Variants in CFAP61 observed in about 807,000 individuals in gnomAD.
The protein encoded by CFAP61 is cilia- and flagella-associated protein 61.
In CFAP61, 107 loss-of-function variants were observed where a neutral mutation model predicts 135.6. The ratio of observed to expected loss-of-function variants is 0.79; its 90% CI spans 0.67 to 0.93. The LOEUF (loss-of-function observed/expected upper bound fraction) is 0.93. CFAP61 is among the 40% of genes least tolerant of loss of function. The probability of loss-of-function intolerance (pLI) is 0.00; values close to 1 mark genes in which losing one functional copy is unlikely to be tolerated. For synonymous variants in CFAP61, 575 were observed against 578.5 expected (o/e 0.99, Z 0.09); for missense variants, 1,507 against 1,556.2 (o/e 0.97, Z 0.53).
chr20:20,276,279 T>G (rs2053755395), intron 21 of CFAP61, among the ~76,000 whole-genome samples: 1 of 152,210 alleles, frequency 6.6e-6, no homozygotes, highest in Non-Finnish European at 1.5e-5. Context: ...CAGAGAGACA[T>G]TCAATGAAGT....
chr20:20,324,528 G>A (rs1240445875), intron 25 of CFAP61, among the ~76,000 whole-genome samples: 2 of 151,998 alleles, frequency 1.3e-5, no homozygotes, highest in African/African-American at 4.8e-5. Context: ...TGAACATTTA[G>A]GTTATTTTCA....
intron 10 of CFAP61, among the ~76,000 whole-genome samples, chr20:20,159,772 C>T (rs1246533717): frequency 6.6e-6 from 1 of 152,212 alleles, no homozygotes; most frequent in African/African-American, 2.4e-5. Flanking sequence ...AGAGGCAAAA[C>T]ATTTGTAAGA....
At chr20:20,251,528 C>T (rs1317131229) in intron 19 of CFAP61, 67 bp from the exon 20 acceptor site, 4 of 1,517,000 alleles carry the variant, frequency 2.6e-6, no homozygotes, top group East Asian at 2.3e-5. Flanking sequence ...AACCAGCTCA[C>T]CAGATGTCTA....
At chr20:20,215,009 TTATTC>T (rs2146924682) in intron 17 of CFAP61, 1 of 152,360 alleles carries the variant, frequency 6.6e-6, no homozygotes, top group South Asian at 2.1e-4. Flanking sequence ...GAGAAATCTC[TTATTC>T]AGTCACTTCT....
chr20:20,250,435 G>A (rs1336268591), intron 19 of CFAP61, among the ~76,000 whole-genome samples: 4 of 152,208 alleles, frequency 2.6e-5, no homozygotes, highest in Non-Finnish European at 1.5e-5. Flanking sequence ...CACAGACCAT[G>A]GCAGGGTTCT....
At chr20:20,355,735 G>C (rs1306504737) in intron 26 of CFAP61, among the ~76,000 whole-genome samples, 2 of 139,382 alleles carry the variant, frequency 1.4e-5, no homozygotes, top group African/African-American at 2.8e-5. Context: ...GTCACACTGA[G>C]GGGAGGTAGT....
chr20:20,172,122 A>G (rs1175122859), intron 13 of CFAP61: 112 of 811,610 alleles, frequency 1.4e-4, no homozygotes, highest in Non-Finnish European at 1.7e-4. Flanking sequence ...TTAATTAAAA[A>G]GAAGAGGAAA....
At chr20:20,242,660 T>A (rs1228069673) in intron 18 of CFAP61, among the ~76,000 whole-genome samples, 1 of 152,226 alleles carries the variant, frequency 6.6e-6, no homozygotes, top group Non-Finnish European at 1.5e-5. Flanking sequence ...ATCCCTAGCA[T>A]AAATTGTGTA....
intron 21 of CFAP61, among the ~76,000 whole-genome samples, chr20:20,269,242 C>T (rs1043461248): frequency 9.2e-5 from 12 of 129,778 alleles, no homozygotes; most frequent in Admixed American, 2.3e-4. Context: ...TATATATACA[C>T]GTATATGTGC....
intron 21 of CFAP61, chr20:20,265,490 A>C (rs1430895825): frequency 3.8e-6 from 3 of 779,554 alleles, no homozygotes; most frequent in Non-Finnish European, 7.2e-6. Flanking sequence ...TGCCCCCTTA[A>C]AGGGAAATGT....
In CFAP61 at chr20:20,288,794, C is replaced by G; in HGVS notation, c.2982C>G (p.His994Gln). 1 of 1,614,208 alleles carries G rather than the reference C, an allele frequency of 6.2e-7. No individual in the cohort carries two copies. Among genetic ancestry groups the G allele is most frequent in the Non-Finnish European group, 8.5e-7 (1 of 1,180,024 alleles). ...SNRYYSNEWTHSNFSSKEIGF... is the reference protein window; with the variant it reads ...SNRYYSNEWTQSNFSSKEIGF... Reference sequence around the variant, plus strand: ...GATACTACTCAAATGAGTGGACTCACAGCAACTTCAGTTCCAAAGAAATTG... The same window carrying G: ...GATACTACTCAAATGAGTGGACTCAGAGCAACTTCAGTTCCAAAGAAATTG... The change falls in exon 23 of 27, where the codon CAC (histidine) becomes CAG (glutamine). Residue 994 changes from histidine (H) to glutamine (Q), a missense_variant. Physicochemically the swap from His to Gln is conservative, Grantham distance 24. Coordinates refer to ENST00000245957, the MANE Select transcript of CFAP61 (RefSeq NM_015585.4).
intron 21 of CFAP61, among the ~76,000 whole-genome samples, chr20:20,264,386 T>C (rs2052530452): frequency 6.6e-6 from 1 of 152,190 alleles, no homozygotes; most frequent in South Asian, 2.1e-4. Flanking sequence ...GTCTGGAACC[T>C]TTGGGTAGAG....
intron 16 of CFAP61, among the ~76,000 whole-genome samples, chr20:20,198,751 T>C (rs1236464519): frequency 6.6e-6 from 1 of 152,218 alleles, no homozygotes; most frequent in African/African-American, 2.4e-5. Flanking sequence ...AGTCACGGTC[T>C]GAAGTCCAGT....
intron 6 of CFAP61, among the ~76,000 whole-genome samples, chr20:20,078,452 A>G (rs1047758410): frequency 1.3e-5 from 2 of 152,152 alleles, no homozygotes; most frequent in African/African-American, 4.8e-5. Context: ...CAGGGTTTTC[A>G]AGTTTAGGGG....
chr20:20,303,996 G>T lies in CFAP61; in HGVS notation c.3422+5610G>T, dbSNP rs569694224. ...CAATGGGAACGGTGGCAGCCCTGCGGGTCAGATGTTGCTGTGGTAGCCGAG... is the reference window on the plus strand; with the variant it reads ...CAATGGGAACGGTGGCAGCCCTGCGTGTCAGATGTTGCTGTGGTAGCCGAG... On this transcript the variant is annotated intron_variant, in intron 25 of 26. Transcript: ENST00000245957. Among the ~76,000 whole-genome samples the T allele has an allele frequency of 7.2e-5, 11 of 152,234 alleles. 2 individuals carry two copies. The South Asian group carries it at 2.3e-3, about 32-fold the overall frequency.
chr20:20,067,596 C>T (rs1306805415), intron 2 of CFAP61, among the ~76,000 whole-genome samples: 2 of 148,026 alleles, frequency 1.4e-5, no homozygotes, highest in Non-Finnish European at 3.0e-5. Context: ...GAGCTGAGAT[C>T]GCGCCACTGC....
intron 24 of CFAP61, among the ~76,000 whole-genome samples, chr20:20,296,604 C>T (rs1486853675): frequency 2.6e-5 from 4 of 151,998 alleles, no homozygotes; most frequent in Non-Finnish European, 5.9e-5. Context: ...AACTTTTCCT[C>T]ATTTTAGAAG....
At chr20:20,122,035 T>G (rs2146696778) in intron 8 of CFAP61, among the ~76,000 whole-genome samples, 1 of 152,216 alleles carries the variant, frequency 6.6e-6, no homozygotes, top group Admixed American at 6.5e-5. Flanking sequence ...TTGTGAGATT[T>G]TGTTGCACCC....
chr20:20,210,212 C>T, intron 17 of CFAP61, among the ~76,000 whole-genome samples: 1 of 152,166 alleles, frequency 6.6e-6, no homozygotes, highest in East Asian at 1.9e-4. Context: ...GATCCTGCCC[C>T]CTTCCTTCCA....
Sources: gnomAD v4.1 joint callset for allele counts (sites outside exome capture counted in the v4.1 genomes callset) on GRCh38, gnomAD v4.1.1 for gene constraint, MANE v1.5 for transcripts, NCBI Gene and HGNC (gene_info 2026-07-23, HGNC 2026-07-21) for gene names.